The following CCDC3 variants were observed in gnomAD, a reference collection of about 807,000 sequenced individuals.
CCDC3 encodes coiled-coil domain-containing protein 3.
In CCDC3, 24 loss-of-function variants were observed where a neutral mutation model predicts 21.4. The ratio of observed to expected loss-of-function variants is 1.12; its 90% CI spans 0.81 to 1.58. CCDC3 has a LOEUF of 1.58. CCDC3 is among the 40% of genes most tolerant of loss of function. The probability of loss-of-function intolerance (pLI) is 0.00; values close to 1 mark genes in which losing one functional copy is unlikely to be tolerated. For missense variants in CCDC3, 425 were observed against 360.9 expected (o/e 1.18, Z -1.44); for synonymous variants, 186 against 166.0 (o/e 1.12, Z -0.93).
chr10:13,074,183 G>C (rs1486318277), intron 3 of CCDC3: 2 of 129,922 alleles, frequency 1.5e-5, no homozygotes, highest in African/African-American at 5.9e-5. Flanking sequence ...TTGAGACAGA[G>C]TTTCACCCCT....
intron 2 of CCDC3, among the ~76,000 whole-genome samples, chr10:12,964,170 C>G (rs1034516271): frequency 6.6e-6 from 1 of 151,956 alleles, no homozygotes; most frequent in Non-Finnish European, 1.5e-5. Flanking sequence ...GTCGGGAGTT[C>G]GAGACCAGCC....
intron 5 of CCDC3, among the ~76,000 whole-genome samples, chr10:13,026,958 G>A (rs917909867): frequency 1.3e-5 from 2 of 152,106 alleles, no homozygotes; most frequent in African/African-American, 4.8e-5. Context: ...TACCAGATCT[G>A]AAATTTCCTT....
chr10:12,981,326 C>G (rs1191398711), intron 2 of CCDC3, among the ~76,000 whole-genome samples: 1 of 151,852 alleles, frequency 6.6e-6, no homozygotes, highest in East Asian at 1.9e-4. Context: ...ATTACAGGCA[C>G]CTGCCACCAC....
chr10:12,965,159 CT>C, intron 2 of CCDC3, among the ~76,000 whole-genome samples: 2 of 152,150 alleles, frequency 1.3e-5, no homozygotes, highest in Non-Finnish European at 2.9e-5. Context: ...ATCATTTTCT[CT>C]CTCCTAAATT....
intron 3 of CCDC3, among the ~76,000 whole-genome samples, chr10:13,079,548 C>A (rs1002407249): frequency 6.6e-6 from 1 of 151,866 alleles, no homozygotes. Flanking sequence ...GTAAAGCATT[C>A]CTTAGGTCAG....
intron 2 of CCDC3, among the ~76,000 whole-genome samples, chr10:12,931,156 A>T (rs1383140823): frequency 7.1e-6 from 1 of 141,430 alleles, no homozygotes; most frequent in Non-Finnish European, 1.5e-5. Flanking sequence ...GGTTACAGCG[A>T]GCTGAGATCA....
chr10:13,054,947 G>T (rs542188413), intron 4 of CCDC3, among the ~76,000 whole-genome samples: 3 of 152,168 alleles, frequency 2.0e-5, no homozygotes, highest in Non-Finnish European at 4.4e-5. Flanking sequence ...GATTACAGGC[G>T]TGAGCCACTG....
intron 2 of CCDC3, among the ~76,000 whole-genome samples, chr10:12,919,745 C>T (rs1834418313): frequency 6.6e-6 from 1 of 151,980 alleles, no homozygotes; most frequent in South Asian, 2.1e-4. Flanking sequence ...CCACAGAGTG[C>T]CCGGGGTGGG....
intron 2 of CCDC3, among the ~76,000 whole-genome samples, chr10:12,975,240 G>A (rs1475539339): frequency 3.3e-5 from 5 of 152,128 alleles, no homozygotes; most frequent in Admixed American, 2.0e-4. Flanking sequence ...GGTCTTTGAC[G>A]CCTCTGCCCA....
chr10:13,026,900 G>A (rs1336365183), intron 5 of CCDC3, among the ~76,000 whole-genome samples: 5 of 152,154 alleles, frequency 3.3e-5, no homozygotes. Flanking sequence ...CCCCGAGGGT[G>A]TTGTTACCTC....
intron 2 of CCDC3, among the ~76,000 whole-genome samples, chr10:12,957,698 T>C (rs1304985263): frequency 6.6e-6 from 1 of 152,180 alleles, no homozygotes; most frequent in Non-Finnish European, 1.5e-5. Flanking sequence ...CCCTCGTTGT[T>C]CTGGCCATAC....
chr10:13,059,520 C>T (rs991069736), intron 4 of CCDC3, among the ~76,000 whole-genome samples: 2 of 152,022 alleles, frequency 1.3e-5, no homozygotes, highest in Non-Finnish European at 2.9e-5. Context: ...GACAACCAAA[C>T]GGGAAAGGCC....
At chr10:12,937,523 C>G (rs542556990) in intron 2 of CCDC3, among the ~76,000 whole-genome samples, 1 of 152,066 alleles carries the variant, frequency 6.6e-6, no homozygotes, top group African/African-American at 2.4e-5. Context: ...AGGGCAGGGG[C>G]GTGATCATAG....
At chr10:12,962,275 G>A (rs1446367831) in intron 2 of CCDC3, among the ~76,000 whole-genome samples, 1 of 152,188 alleles carries the variant, frequency 6.6e-6, no homozygotes, top group Non-Finnish European at 1.5e-5. Flanking sequence ...AAGGTTGCAA[G>A]AATAAAACTT....
intron 3 of CCDC3, among the ~76,000 whole-genome samples, chr10:13,088,675 G>A (rs186789817): frequency 1.3e-4 from 20 of 152,292 alleles, no homozygotes; most frequent in South Asian, 8.3e-4. Context: ...CAAATGAGGC[G>A]TTAAGCAGCA....
At chr10:12,962,670 C>T (rs147310816) in intron 2 of CCDC3, among the ~76,000 whole-genome samples, 1 of 152,264 alleles carries the variant, frequency 6.6e-6, no homozygotes, top group East Asian at 1.9e-4. Flanking sequence ...GTCACTGTTA[C>T]ATTTAAAATG....
intron 5 of CCDC3, among the ~76,000 whole-genome samples, chr10:13,029,667 T>C (rs1455165989): frequency 6.6e-6 from 1 of 151,924 alleles, no homozygotes; most frequent in Non-Finnish European, 1.5e-5. Context: ...GAGCTGAAAA[T>C]CATGGTACGA....
At chr10:12,990,785 G>T (rs1481162223) in intron 2 of CCDC3, among the ~76,000 whole-genome samples, 3 of 152,132 alleles carry the variant, frequency 2.0e-5, no homozygotes, top group Admixed American at 6.5e-5. Flanking sequence ...TTTCCAAATG[G>T]TCAATGCGTC....
intron 5 of CCDC3, among the ~76,000 whole-genome samples, chr10:13,020,069 T>C (rs1404391625): frequency 1.3e-5 from 2 of 152,212 alleles, no homozygotes; most frequent in African/African-American, 4.8e-5. Context: ...ATAAACTTGA[T>C]ACTAGGACCT....
Sources: allele counts gnomAD v4.1 joint callset (sites outside exome capture counted in the v4.1 genomes callset), GRCh38; gene constraint gnomAD v4.1.1; transcripts MANE v1.5; gene names NCBI Gene and HGNC (gene_info 2026-07-23, HGNC 2026-07-21).